ATXN1: variants seen among roughly 807,000 people sequenced by gnomAD.
ATXN1 encodes ataxin 1, also known as ataxin-1.
A neutral mutation model predicts 56.4 loss-of-function variants in ATXN1; 8 were observed. That is an observed-to-expected ratio of 0.14 (90% CI 0.08 to 0.26). The LOEUF is 0.26. Among genes scored for constraint, ATXN1 ranks in the 10% least tolerant of loss-of-function variants. The pLI is 1.00. For missense variants in ATXN1, 987 were observed against 1,106.5 expected (o/e 0.89, Z 1.53); for synonymous variants, 514 against 494.6 (o/e 1.04, Z -0.52).
At chr6:16,584,243 T>TATATATAC (rs1403082306) in intron 4 of ATXN1, among the ~76,000 whole-genome samples, 1 of 118,498 alleles carries the variant, frequency 8.4e-6, no homozygotes, top group African/African-American at 3.3e-5. Flanking sequence ...TATATATATA[T>TATATATAC]ACACACACAC....
chr6:16,453,916 G>A (rs988360170), intron 6 of ATXN1, among the ~76,000 whole-genome samples: 4 of 152,110 alleles, frequency 2.6e-5, no homozygotes, highest in African/African-American at 4.8e-5. Context: ...TGAGTCAGGC[G>A]GATCACTTGA....
chr6:16,477,754 G>A (rs532230639), intron 6 of ATXN1, among the ~76,000 whole-genome samples: 22 of 152,238 alleles, frequency 1.4e-4, no homozygotes, highest in East Asian at 7.7e-4. Flanking sequence ...ATCTTGGCCC[G>A]GCAGTCCCCA....
At chr6:16,348,060 C>G (rs1761468947) in intron 6 of ATXN1, among the ~76,000 whole-genome samples, 1 of 152,178 alleles carries the variant, frequency 6.6e-6, no homozygotes, top group African/African-American at 2.4e-5. Flanking sequence ...GTAACACTCA[C>G]CGCAAGGGTC....
intron 5 of ATXN1, among the ~76,000 whole-genome samples, chr6:16,493,249 C>A (rs1760705072): frequency 6.6e-6 from 1 of 152,158 alleles, no homozygotes; most frequent in South Asian, 2.1e-4. Flanking sequence ...CTGGCCCCAG[C>A]ATGCTTTTCC....
At chr6:16,541,818 T>C (rs140690626) in intron 4 of ATXN1, among the ~76,000 whole-genome samples, 1 of 152,304 alleles carries the variant, frequency 6.6e-6, no homozygotes, top group East Asian at 1.9e-4. Context: ...TGTATCCTGC[T>C]AACGTAAAGT....
intron 2 of ATXN1, among the ~76,000 whole-genome samples, chr6:16,740,691 TTTTA>T (rs544011701): frequency 2.6e-5 from 4 of 152,116 alleles, no homozygotes; most frequent in Non-Finnish European, 5.9e-5. Flanking sequence ...ACATATAATT[TTTTA>T]TTTATTTATT....
At chr6:16,406,913 T>TC (rs1758698056) in intron 6 of ATXN1, among the ~76,000 whole-genome samples, 1 of 152,208 alleles carries the variant, frequency 6.6e-6, no homozygotes, top group Non-Finnish European at 1.5e-5. Context: ...AATGACCCTG[T>TC]CTCCTTTGTT....
chr6:16,421,657 G>GA (rs1242389549), intron 6 of ATXN1, among the ~76,000 whole-genome samples: 1 of 147,830 alleles, frequency 6.8e-6, no homozygotes, highest in East Asian at 2.0e-4. Context: ...CGGGAGGGTG[G>GA]GGGGGGCGTG....
intron 7 of ATXN1, among the ~76,000 whole-genome samples, chr6:16,317,629 C>T (rs921966180): frequency 6.6e-6 from 1 of 152,052 alleles, no homozygotes; most frequent in Admixed American, 6.6e-5. Flanking sequence ...CCAGGGATGG[C>T]CTTTATACTT....
intron 4 of ATXN1, among the ~76,000 whole-genome samples, chr6:16,538,507 G>GT (rs1333666711): frequency 6.6e-6 from 1 of 151,838 alleles, no homozygotes; most frequent in Non-Finnish European, 1.5e-5. Flanking sequence ...ATGTATAGAT[G>GT]TGCCAGGTTG....
intron 5 of ATXN1, among the ~76,000 whole-genome samples, chr6:16,513,076 G>C (rs1020320181): frequency 6.6e-6 from 1 of 152,220 alleles, no homozygotes; most frequent in African/African-American, 2.4e-5. Context: ...CCAACGGCTA[G>C]GAAAATGTTT....
intron 4 of ATXN1, among the ~76,000 whole-genome samples, chr6:16,559,145 GAAAAGCACACTCAAACAGTGCTAGC>G (rs1055150329): frequency 6.6e-6 from 1 of 152,148 alleles, no homozygotes; most frequent in Non-Finnish European, 1.5e-5. Flanking sequence ...CGTCTGTGGA[GAAAAGCACACTCAAACAGTGCTAGC>G]AGGAACATAC....
At chr6:16,547,630 A>T (rs1761838041) in intron 4 of ATXN1, among the ~76,000 whole-genome samples, 1 of 152,154 alleles carries the variant, frequency 6.6e-6, no homozygotes, top group African/African-American at 2.4e-5. Flanking sequence ...TCCTTCCAGG[A>T]GGTGCAAAGG....
chr6:16,358,806 T>C (rs906543086), intron 6 of ATXN1, among the ~76,000 whole-genome samples: 2 of 152,202 alleles, frequency 1.3e-5, no homozygotes, highest in African/African-American at 4.8e-5. Flanking sequence ...CCCTGTGCTC[T>C]TGGGGGAGCC....
At chr6:16,546,834 C>T (rs1393647522) in intron 4 of ATXN1, among the ~76,000 whole-genome samples, 1 of 152,192 alleles carries the variant, frequency 6.6e-6, no homozygotes, top group Non-Finnish European at 1.5e-5. Flanking sequence ...TATTATGTAA[C>T]TGTACCCTGA....
intron 5 of ATXN1, among the ~76,000 whole-genome samples, chr6:16,498,612 T>C (rs1185624994): frequency 2.0e-5 from 3 of 152,208 alleles, no homozygotes; most frequent in African/African-American, 7.2e-5. Flanking sequence ...ACCAGCCAGG[T>C]AGGAAGATTA....
At chr6:16,335,597 C>G (rs1453907181) in intron 6 of ATXN1, among the ~76,000 whole-genome samples, 1 of 152,154 alleles carries the variant, frequency 6.6e-6, no homozygotes, top group Non-Finnish European at 1.5e-5. Flanking sequence ...TAAGGAAGGA[C>G]AGTGGGTTGA....
intron 2 of ATXN1, among the ~76,000 whole-genome samples, chr6:16,664,535 A>G (rs1160185910): frequency 6.6e-6 from 1 of 152,182 alleles, no homozygotes; most frequent in East Asian, 1.9e-4. Flanking sequence ...GTTGGGATAA[A>G]TTTGGGAAAG....
At chr6:16,472,485 G>T (rs958546815) in intron 6 of ATXN1, among the ~76,000 whole-genome samples, 1 of 152,144 alleles carries the variant, frequency 6.6e-6, no homozygotes, top group African/African-American at 2.4e-5. Context: ...TTTATGCAAT[G>T]ATCTGCTATT....
Sources: allele counts gnomAD v4.1 joint callset (sites outside exome capture counted in the v4.1 genomes callset), GRCh38; gene constraint gnomAD v4.1.1; transcripts MANE v1.5; gene names NCBI Gene and HGNC (gene_info 2026-07-23, HGNC 2026-07-21).